The following SLC43A1 variants were observed in gnomAD, a reference collection of about 807,000 sequenced individuals.
SLC43A1 encodes the protein large neutral amino acids transporter small subunit 3.
A neutral mutation model predicts 59.5 loss-of-function variants in SLC43A1; 31 were observed. The observed-to-expected ratio is 0.52, with a 90% CI of 0.39 to 0.70. The LOEUF (loss-of-function observed/expected upper bound fraction) is 0.70. Among genes scored for constraint, SLC43A1 ranks in the 30% least tolerant of loss-of-function variants. The probability of loss-of-function intolerance (pLI) is 0.00; values close to 1 mark genes in which losing one functional copy is unlikely to be tolerated. For missense variants in SLC43A1, 598 were observed against 717.8 expected (o/e 0.83, Z 1.91); for synonymous variants, 259 against 290.9 (o/e 0.89, Z 1.12).
intron 5 of SLC43A1, among the ~76,000 whole-genome samples, chr11:57,499,326 C>CAG (rs1554983052): frequency 7.1e-6 from 1 of 141,754 alleles, no homozygotes; most frequent in Non-Finnish European, 1.5e-5. Context: ...TCCGTCTCAA[C>CAG]AAAAAAAAAA....
intron 5 of SLC43A1, among the ~76,000 whole-genome samples, chr11:57,498,440 C>T (rs1281239933): frequency 6.6e-6 from 1 of 151,838 alleles, no homozygotes; most frequent in South Asian, 2.1e-4. Context: ...GACTATGTCC[C>T]CACCCCCCAA....
At chr11:57,497,511 C>T (rs140279833) in intron 6 of SLC43A1, among the ~76,000 whole-genome samples, 34 of 152,310 alleles carry the variant, frequency 2.2e-4, no homozygotes, top group Non-Finnish European at 4.0e-4. Flanking sequence ...AGCCAGTTCC[C>T]CATCTGAGAT....
intron 6 of SLC43A1, 42 bp from the exon 7 acceptor site, chr11:57,496,206 C>T (rs910838168): frequency 1.9e-6 from 3 of 1,607,970 alleles, no homozygotes; most frequent in African/African-American, 1.3e-5. Context: ...GACTGCCTGG[C>T]CCCAGACCCC....
chr11:57,514,390 G>T lies in SLC43A1; in HGVS notation c.-13-266C>A. The T allele has an allele frequency of 2.3e-6, 1 of 441,740 alleles. No individual in the cohort carries two copies. The highest frequency in any genetic ancestry group is 2.8e-5 in the South Asian group (1 of 35,958). The allele number at this position is 441,740 out of a possible 1,614,324, so 27.4% of individuals were successfully genotyped here. A position where few individuals can be genotyped will look rare whatever the true frequency, so the allele number is the denominator to read the frequency against. On this transcript the variant is annotated intron_variant, in intron 1 of 14. Transcript: ENST00000278426. This position sits in a 1 kb window ranked among gnomAD's most constrained non-coding sequence, Gnocchi z 5.5. ...TCTGCGCGCTGCAGCTTCCTAGCAG[G>T]CTGCCGGGTTCTCTCACCCAGGCCA... is the stretch of plus-strand genomic sequence containing the variant.
Position 57,514,795 on chromosome 11 carries a change from G to A in SLC43A1, c.-14+649C>T. The A allele has an allele frequency of 1.0e-6, 1 of 985,264 alleles. No homozygotes were observed. Among genetic ancestry groups the A allele is most frequent in the South Asian group, 4.7e-5 (1 of 21,282 alleles). The allele number at this position is 985,264 out of a possible 1,614,324, so 61.0% of individuals were successfully genotyped here. A position where few individuals can be genotyped will look rare whatever the true frequency, so the allele number is the denominator to read the frequency against. The stretch of plus-strand genomic sequence containing the variant: ...CCCTCACTCACTCCGCAGGGCTCGG[G>A]GCACCAGGCTTTGCACCTCGGAACC... On this transcript the variant is annotated intron_variant, in intron 1 of 14. Transcript: ENST00000278426. This position sits in a 1 kb window ranked among gnomAD's most constrained non-coding sequence, Gnocchi z 5.5.
chr11:57,513,916 C>T (rs911429267), intron 2 of SLC43A1, 42 bp downstream of exon 2: 6 of 1,464,468 alleles, frequency 4.1e-6, no homozygotes, highest in Admixed American at 1.9e-5. Flanking sequence ...TGCCCCTTTG[C>T]CATCCCTCCC....
intron 13 of SLC43A1, 29 bp from the exon 14 acceptor site, chr11:57,487,247 T>C: frequency 6.2e-7 from 1 of 1,604,222 alleles, no homozygotes. Flanking sequence ...GTATCAGGGG[T>C]GTGTGGCCCT....
At position 57,485,019 on chromosome 11, in the gene SLC43A1, G is replaced by GA. The variant is rs1943689884; in HGVS notation, c.*76dup. 3.4e-6 allele frequency: 5 copies of GA among 1,468,150 alleles called. No individual in the cohort carries two copies. Among genetic ancestry groups the GA allele is most frequent in the Non-Finnish European group, 4.6e-6 (5 of 1,097,314 alleles). 90.9% of individuals were successfully genotyped at this position (1,468,150 alleles called of 1,614,324 possible). A position where few individuals can be genotyped will look rare whatever the true frequency, so the allele number is the denominator to read the frequency against. On this transcript the variant is annotated 3_prime_UTR_variant, in exon 15 of 15. Transcript: ENST00000278426. ...TGGCTCTATGTGCATGTTACAGGTA[G>GA]AAAAGCCATATGGGGCACTCCTTTT...
chr11:57,494,380 T>C, intron 7 of SLC43A1: 1 of 522,086 alleles, frequency 1.9e-6, no homozygotes, highest in Admixed American at 4.3e-5. Flanking sequence ...AAATGAAGAG[T>C]GGATCAGCTG....
rs1297330816 is a variant in SLC43A1 at position 57,497,755 on chromosome 11, T to C, written c.556A>G (p.Lys186Glu). Reference protein sequence around the residue: ...ASSAITFPGIKLIYDAGVAFV... With the variant: ...ASSAITFPGIELIYDAGVAFV... ...AGAAAACCCAGGTGGCCTCATACCT[T>C]GATTCCTGGGAACGTAATGGCAGAA... The change falls in exon 6 of 15, where the codon AAG becomes GAG. Residue 186 changes from lysine to glutamate, a missense_variant and splice_region_variant. By Grantham distance (56) the Lys-to-Glu change is moderately conservative. Transcript: ENST00000278426. 1 of 1,612,784 alleles carries C rather than the reference T, an allele frequency of 6.2e-7. No homozygotes were observed. The highest frequency in any genetic ancestry group is 1.7e-5 in the Admixed American group (1 of 59,982).
At position 57,514,893 on chromosome 11, in the gene SLC43A1, G is replaced by A. The variant is rs376805966; in HGVS notation, c.-14+551C>T. 10 of 983,744 alleles carry A rather than the reference G, an allele frequency of 1.0e-5. No homozygotes were observed. In the Admixed American group the frequency reaches 1.8e-4, roughly 18 times the overall value. 60.9% of individuals were successfully genotyped at this position (983,744 alleles called of 1,614,324 possible). A position where few individuals can be genotyped will look rare whatever the true frequency, so the allele number is the denominator to read the frequency against. On this transcript the variant is annotated intron_variant, in intron 1 of 14. Coordinates refer to ENST00000278426, the MANE Select transcript of SLC43A1 (RefSeq NM_003627.6). This position sits in a 1 kb window ranked among gnomAD's most constrained non-coding sequence, Gnocchi z 5.5. ...AGTCTGGCGGCTGCTGACTTTATAAGGGCAGCGGTGGCGGATGGGCTGGCG... is the reference window on the plus strand; with the variant it reads ...AGTCTGGCGGCTGCTGACTTTATAAAGGCAGCGGTGGCGGATGGGCTGGCG...
intron 13 of SLC43A1, 84 bp downstream of exon 13, chr11:57,488,832 G>A: frequency 8.7e-7 from 1 of 1,150,968 alleles, no homozygotes; most frequent in East Asian, 2.3e-5. Flanking sequence ...ATTAGGGGAT[G>A]CCTGGGGCCC....
rs771377865 is a variant in SLC43A1, at chr11:57,497,801, GA to G, written c.509del (p.Leu170ProfsTer2). ...CAGAAGAGGCGTAAGAGCCAATCATGAGGGCCATTAACGTGGAGCGCAGGTT... is the reference window on the plus strand; with the variant it reads ...CAGAAGAGGCGTAAGAGCCAATCATGGGGCCATTAACGTGGAGCGCAGGTT... ...FGNLRSTLMA[L>X]MIGSYASSAI... On this transcript the variant is annotated frameshift_variant, in exon 6 of 15. Coordinates refer to ENST00000278426, the MANE Select transcript of SLC43A1 (RefSeq NM_003627.6). LOFTEE classifies it high-confidence loss of function. The G allele has an allele frequency of 2.5e-6, 4 of 1,613,846 alleles. No individual in the cohort carries two copies. Among genetic ancestry groups the G allele is most frequent in the Non-Finnish European group, 3.4e-6 (4 of 1,179,918 alleles).
rs1033164632 is a variant in SLC43A1, at chr11:57,496,164, G to A, written c.559C>T (p.Leu187=). The A allele has an allele frequency of 2.5e-6, 4 of 1,613,886 alleles. No homozygotes were observed. The highest frequency in any genetic ancestry group is 1.3e-5 in the African/African-American group (1 of 74,920). ...SSAITFPGIK[L]IYDAGVAFVV... Reference sequence around the variant, plus strand: ...AAGGCCACACCGGCATCGTAGATCAGCTGTGAGAGGAGGGGGCAGGCCCGT... The same window carrying A: ...AAGGCCACACCGGCATCGTAGATCAACTGTGAGAGGAGGGGGCAGGCCCGT... Residue 187 remains leucine (L), a splice_region_variant and synonymous_variant, in exon 7 of 15, where the codon CTG becomes TTG. Coordinates refer to ENST00000278426, the MANE Select transcript of SLC43A1 (RefSeq NM_003627.6).
At chr11:57,492,494 T>A (rs1565127737) in intron 8 of SLC43A1, among the ~76,000 whole-genome samples, 1 of 125,040 alleles carries the variant, frequency 8.0e-6, no homozygotes, top group Non-Finnish European at 1.6e-5. Flanking sequence ...AATAATATAA[T>A]ATATAATATA....
In SLC43A1 at chr11:57,515,226, G is replaced by C. The variant is rs1396094448; in HGVS notation, c.-14+218C>G. Reference sequence around the variant, plus strand: ...TCTAAGCAGAGGAAGTGCAGCGAGCGGGGACCCGGGAGGAAGAGAAGAGTC... The same window carrying C: ...TCTAAGCAGAGGAAGTGCAGCGAGCCGGGACCCGGGAGGAAGAGAAGAGTC... On this transcript the variant is annotated intron_variant, in intron 1 of 14. Coordinates refer to ENST00000278426, the MANE Select transcript of SLC43A1 (RefSeq NM_003627.6). The surrounding 1 kb of genome is among the most constrained non-coding windows in gnomAD (Gnocchi z 5.3). 4 of 197,694 alleles carry C rather than the reference G, an allele frequency of 2.0e-5. No homozygotes were observed. Among genetic ancestry groups the C allele is most frequent in the South Asian group, 1.8e-4 (1 of 5,712 alleles). 12.2% of individuals were successfully genotyped at this position (197,694 alleles called of 1,614,324 possible).
chr11:57,502,161 C>T (rs1199562371), intron 2 of SLC43A1, among the ~76,000 whole-genome samples: 2 of 152,218 alleles, frequency 1.3e-5, no homozygotes, highest in Admixed American at 6.5e-5. Flanking sequence ...AGGGCTGCTT[C>T]GCTTTACTCA....
At chr11:57,508,278 A>AAT (rs951674335) in intron 2 of SLC43A1, among the ~76,000 whole-genome samples, 22 of 151,488 alleles carry the variant, frequency 1.5e-4, no homozygotes, top group Non-Finnish European at 2.7e-4. Context: ...AAAAAAAAAA[A>AAT]AGAAAAGAAA....
chr11:57,493,246 C>T (rs1309899190), intron 8 of SLC43A1, among the ~76,000 whole-genome samples: 1 of 152,150 alleles, frequency 6.6e-6, no homozygotes, highest in Admixed American at 6.5e-5. Context: ...AACTCCAGCT[C>T]GTGCCCTTAG....
Sources: allele counts gnomAD v4.1 joint callset (sites outside exome capture counted in the v4.1 genomes callset), GRCh38; gene constraint gnomAD v4.1.1; non-coding constraint Gnocchi (gnomAD v3.1); transcripts MANE v1.5; gene names NCBI Gene and HGNC (gene_info 2026-07-23, HGNC 2026-07-21).